STAG1: variants seen among roughly 807,000 people sequenced by gnomAD.
STAG1 encodes STAG1 cohesin complex component.
A neutral mutation model predicts 170.9 loss-of-function variants in STAG1; 26 were observed. The observed-to-expected ratio is 0.15, with a 90% CI of 0.11 to 0.21. The LOEUF (loss-of-function observed/expected upper bound fraction) is 0.21. Ranked by LOEUF, STAG1 falls within the 10% of genes least tolerant of loss-of-function variation. The pLI is 1.00. For missense variants in STAG1, 964 were observed against 1,509.5 expected, an observed-to-expected ratio of 0.64 and a Z score of 5.99; for synonymous variants, 514 against 497.7, an observed-to-expected ratio of 1.03 and a Z score of -0.44.
At chr3:136,384,966 C>T (rs1368229600) in intron 22 of STAG1, among the ~76,000 whole-genome samples, 1 of 152,126 alleles carries the variant, frequency 6.6e-6, no homozygotes, top group African/African-American at 2.4e-5. Flanking sequence ...CCTTTCTAGT[C>T]AGATTACCTG....
chr3:136,536,987 T>A (rs540031555), intron 6 of STAG1, among the ~76,000 whole-genome samples: 1 of 152,214 alleles, frequency 6.6e-6, no homozygotes, highest in African/African-American at 2.4e-5. Context: ...TTGTCCCCAA[T>A]AGATCGAACT....
chr3:136,747,084 G>C (rs1277581777), intron 1 of STAG1, among the ~76,000 whole-genome samples: 1 of 84,648 alleles, frequency 1.2e-5, no homozygotes, highest in African/African-American at 5.8e-5. Context: ...CAACAAGAGT[G>C]AAACTGTCTA....
chr3:136,717,492 T>C (rs9813596), intron 1 of STAG1, among the ~76,000 whole-genome samples: 62,399 of 151,658 alleles, frequency 0.41, 14,059 homozygotes, highest in African/African-American at 0.6. Context: ...GGCAGAATCC[T>C]ATTTCTACTA....
At chr3:136,709,597 T>A (rs111851469) in intron 1 of STAG1, among the ~76,000 whole-genome samples, 117 of 151,874 alleles carry the variant, frequency 7.7e-4, no homozygotes, top group Non-Finnish European at 1.2e-3. Flanking sequence ...TAGCTAGGCA[T>A]GGTGGCATAC....
intron 5 of STAG1, among the ~76,000 whole-genome samples, chr3:136,555,839 A>G (rs909960343): frequency 1.1e-4 from 17 of 152,192 alleles, no homozygotes; most frequent in African/African-American, 4.1e-4. Context: ...AATTCCAAAA[A>G]AAAAACAGAA....
In STAG1 at chr3:136,487,038, C is replaced by G. The variant is rs576693793; in HGVS notation, c.903-9626G>C. ...AAAAAAAAAAAAAAAAAAGCAGATA[C>G]AAGCACAGAACGTGCAGGTTTGTTA... On this transcript the variant is annotated intron_variant, in intron 9 of 33. Transcript: ENST00000383202. 2.6e-4 allele frequency among the ~76,000 whole-genome samples: 31 copies of G among 117,134 alleles called. 1 individual carries two copies. The South Asian group carries it at 8.6e-3, about 32-fold the overall frequency. The allele number at this position is 117,134 out of a possible 152,430, so 76.8% of individuals were successfully genotyped here.
In STAG1 at chr3:136,601,709, C is replaced by A. The variant is rs1244933766; in HGVS notation, c.297+2600G>T. 3.9e-5 allele frequency among the ~76,000 whole-genome samples: 6 copies of A among 152,088 alleles called. No homozygotes were observed. The South Asian group carries it at 1.2e-3, about 32-fold the overall frequency. ...AAAATTAGCTAGACGTGGTGGCAGGCACCTGTAACCCCAGCTACTCGGGAG... is the reference window on the plus strand; with the variant it reads ...AAAATTAGCTAGACGTGGTGGCAGGAACCTGTAACCCCAGCTACTCGGGAG... On this transcript the variant is annotated intron_variant, in intron 4 of 33. Coordinates refer to ENST00000383202, the MANE Select transcript of STAG1 (RefSeq NM_005862.3).
chr3:136,527,705 T>C (rs1469404848), intron 6 of STAG1, among the ~76,000 whole-genome samples: 1 of 152,178 alleles, frequency 6.6e-6, no homozygotes, highest in African/African-American at 2.4e-5. Flanking sequence ...TTTTTCCCCA[T>C]CTTTGTGGTT....
At chr3:136,621,907 T>C (rs1939870542) in intron 3 of STAG1, among the ~76,000 whole-genome samples, 1 of 149,790 alleles carries the variant, frequency 6.7e-6, no homozygotes, top group African/African-American at 2.5e-5. Context: ...GTTCATAAGA[T>C]GATTACAAAC....
chr3:136,476,799 T>A (rs4678431), intron 10 of STAG1, among the ~76,000 whole-genome samples: 23 of 152,202 alleles, frequency 1.5e-4, no homozygotes, highest in Admixed American at 1.4e-3. Flanking sequence ...TTCTAAGGAT[T>A]ACTTATTCAG....
chr3:136,347,227 C>T (rs35767900), intron 29 of STAG1, among the ~76,000 whole-genome samples: 1,550 of 151,632 alleles, frequency 0.01, 9 homozygotes, highest in Non-Finnish European at 0.015. Context: ...GAACCCCTAT[C>T]TCTACTAAAA....
At chr3:136,418,076 G>A in intron 20 of STAG1, 104 bp from the exon 21 acceptor site, 1 of 888,206 alleles carries the variant, frequency 1.1e-6, no homozygotes, top group South Asian at 1.6e-5. Flanking sequence ...CATTTCGGCT[G>A]GGCACACTGG....
chr3:136,530,773 A>T lies in STAG1; in HGVS notation c.472-9356T>A, dbSNP rs544938562. ...GGGATATAGCAAAAACTGCAGTAGG[A>T]TGAAAGTTTATAGAAATAAACACCT... is the stretch of plus-strand genomic sequence containing the variant. On this transcript the variant is annotated intron_variant, in intron 6 of 33. Coordinates refer to ENST00000383202, the MANE Select transcript of STAG1 (RefSeq NM_005862.3). 5.3e-5 allele frequency among the ~76,000 whole-genome samples: 8 copies of T among 152,304 alleles called. No individual in the cohort carries two copies. In the South Asian group the frequency reaches 6.2e-4, roughly 12 times the overall value.
intron 1 of STAG1, among the ~76,000 whole-genome samples, chr3:136,670,944 T>A (rs1384550886): frequency 6.6e-6 from 1 of 152,208 alleles, no homozygotes. Flanking sequence ...CAGAAATTAC[T>A]CAAAAGTGAA....
At chr3:136,435,369 A>T (rs1210947180) in intron 15 of STAG1, among the ~76,000 whole-genome samples, 1 of 152,240 alleles carries the variant, frequency 6.6e-6, no homozygotes. Context: ...GCAGTAGAGC[A>T]TTCAAATATA....
intron 1 of STAG1, chr3:136,736,695 T>C (rs1934355657): frequency 1.2e-6 from 2 of 1,603,952 alleles, no homozygotes; most frequent in Non-Finnish European, 8.5e-7. Flanking sequence ...TCGTTTCCTT[T>C]CAGCATCTCT....
At chr3:136,746,988 C>G (rs1192880748) in intron 1 of STAG1, among the ~76,000 whole-genome samples, 1 of 149,324 alleles carries the variant, frequency 6.7e-6, no homozygotes, top group Admixed American at 6.8e-5. Context: ...CCCAGCTACT[C>G]AGGAGGCTGA....
chr3:136,594,849 C>A (rs1008670907), intron 4 of STAG1, among the ~76,000 whole-genome samples: 1 of 152,192 alleles, frequency 6.6e-6, no homozygotes. Context: ...CAGCTCACTG[C>A]AGCCTTGACT....
At chr3:136,662,985 A>T (rs1432234841) in intron 1 of STAG1, among the ~76,000 whole-genome samples, 1 of 152,094 alleles carries the variant, frequency 6.6e-6, no homozygotes, top group Non-Finnish European at 1.5e-5. Context: ...TGGGAGGTGG[A>T]GGTTGCAGTG....
Sources: allele counts gnomAD v4.1 joint callset (sites outside exome capture counted in the v4.1 genomes callset), GRCh38; gene constraint gnomAD v4.1.1; transcripts MANE v1.5; gene names NCBI Gene and HGNC (gene_info 2026-07-23, HGNC 2026-07-21).